RUFY4: variants seen among roughly 807,000 people sequenced by gnomAD.
RUFY4 encodes RUN and FYVE domain containing 4.
RUFY4 carries 73 observed loss-of-function variants against 69.0 expected under a neutral mutation model. The observed-to-expected ratio is 1.06, with a 90% CI of 0.88 to 1.29. RUFY4 has a LOEUF of 1.29. Ranked by LOEUF, RUFY4 falls within the 50% of genes most tolerant of loss-of-function variation. The pLI is 0.00. For synonymous variants in RUFY4, 287 were observed against 271.8 expected (o/e 1.06, Z -0.55); for missense variants, 770 against 705.6 (o/e 1.09, Z -1.03).
At chr2:218,080,268 A>G (rs1383879295) in intron 8 of RUFY4, among the ~76,000 whole-genome samples, 1 of 152,214 alleles carries the variant, frequency 6.6e-6, no homozygotes, top group Non-Finnish European at 1.5e-5. Flanking sequence ...TTCTGTGTTT[A>G]AAGGCTCACT....
intron 2 of RUFY4, among the ~76,000 whole-genome samples, chr2:218,037,258 T>C (rs1958992833): frequency 6.6e-6 from 1 of 151,514 alleles, no homozygotes; most frequent in African/African-American, 2.4e-5. Flanking sequence ...AGGCGGAGGT[T>C]GCAGTGAGTG....
chr2:218,071,695 C>T (rs1316136981), intron 2 of RUFY4, among the ~76,000 whole-genome samples: 4 of 152,202 alleles, frequency 2.6e-5, no homozygotes, highest in Non-Finnish European at 5.9e-5. Context: ...GCAGTCATCA[C>T]TATCTAACAT....
intron 8 of RUFY4, among the ~76,000 whole-genome samples, chr2:218,076,834 G>A (rs982683342): frequency 2.6e-5 from 4 of 152,082 alleles, no homozygotes; most frequent in Non-Finnish European, 5.9e-5. Context: ...CCTCCCCTGG[G>A]CAGCTCCTCT....
intron 2 of RUFY4, among the ~76,000 whole-genome samples, chr2:218,035,717 G>A (rs565552518): frequency 9.9e-5 from 15 of 152,262 alleles, no homozygotes; most frequent in African/African-American, 3.4e-4. Context: ...GGATCCATTG[G>A]GAGGAGAAGA....
At chr2:218,083,030 C>G (rs1221274745) in intron 8 of RUFY4, 80 bp from the exon 11 acceptor site, 1 of 1,423,524 alleles carries the variant, frequency 7.0e-7, no homozygotes. Flanking sequence ...TGGGCTCCCT[C>G]TCTGGAAGAG....
chr2:218,083,011 C>A (rs916447318), intron 8 of RUFY4, 99 bp from the exon 11 acceptor site: 1 of 1,310,430 alleles, frequency 7.6e-7, no homozygotes, highest in Non-Finnish European at 9.9e-7. Context: ...GCATCACCAG[C>A]GTCTCCCATG....
chr2:218,077,082 G>A (rs1439140484), intron 8 of RUFY4, among the ~76,000 whole-genome samples: 1 of 152,190 alleles, frequency 6.6e-6, no homozygotes, highest in Admixed American at 6.5e-5. Flanking sequence ...CCATTTTATA[G>A]AGGAGGAAGC....
chr2:218,040,719 G>A (rs1373987339), intron 2 of RUFY4, among the ~76,000 whole-genome samples: 1 of 152,056 alleles, frequency 6.6e-6, no homozygotes, highest in Non-Finnish European at 1.5e-5. Flanking sequence ...TTTTGTCTTT[G>A]GTGAAAATGC....
chr2:218,054,133 C>T (rs1004973970), intron 2 of RUFY4, among the ~76,000 whole-genome samples: 1 of 152,214 alleles, frequency 6.6e-6, no homozygotes, highest in Non-Finnish European at 1.5e-5. Context: ...GAACTTTCAT[C>T]AGATTTCAAG....
At chr2:218,056,230 T>G (rs913601182) in intron 2 of RUFY4, among the ~76,000 whole-genome samples, 2 of 119,336 alleles carry the variant, frequency 1.7e-5, no homozygotes, top group East Asian at 2.1e-4. Flanking sequence ...CTGGTTGTTG[T>G]TTTTTTTTTT....
At chr2:218,073,964 T>G in intron 6 of RUFY4, 79 bp downstream of exon 8, 1 of 1,406,118 alleles carries the variant, frequency 7.1e-7, no homozygotes, top group Admixed American at 1.8e-5. Flanking sequence ...AAACTGAGCT[T>G]CCCCCTCCGA....
chr2:218,085,853 G>A (rs1453101401), intron 9 of RUFY4, among the ~76,000 whole-genome samples: 1 of 152,186 alleles, frequency 6.6e-6, no homozygotes, highest in Non-Finnish European at 1.5e-5. Flanking sequence ...CCACTAAAGG[G>A]AAGCCACTAG....
chr2:218,066,616 TACAG>T, upstream of RUFY4, among the ~76,000 whole-genome samples: 1 of 152,380 alleles, frequency 6.6e-6, no homozygotes, highest in Non-Finnish European at 1.5e-5. Context: ...TCAATGACGG[TACAG>T]ACAGTACAGG....
At chr2:218,061,320 A>AAAGGG (rs1689185352) in intron 3 of RUFY4, 1 of 306,582 alleles carries the variant, frequency 3.3e-6, no homozygotes, top group Non-Finnish European at 6.4e-6. Context: ...ATCTAGTAGA[A>AAAGGG]AAGGGGTAGG....
chr2:218,075,619 T>A (rs937723761), exon 7 of RUFY4: 5 of 1,520,806 alleles, frequency 3.3e-6, no homozygotes, highest in African/African-American at 1.4e-5. Flanking sequence ...GAGCCCTGGG[T>A]CCTTCAGGGA....
chr2:218,038,582 G>C (rs2106024599), intron 2 of RUFY4, among the ~76,000 whole-genome samples: 1 of 152,332 alleles, frequency 6.6e-6, no homozygotes, highest in Non-Finnish European at 1.5e-5. Context: ...TGGAAGTTTG[G>C]AAGACCCCAA....
intron 2 of RUFY4, among the ~76,000 whole-genome samples, chr2:218,054,749 T>C (rs1559424313): frequency 6.6e-6 from 1 of 152,232 alleles, no homozygotes; most frequent in South Asian, 2.1e-4. Context: ...CTTAAATGTC[T>C]TGTTTTCCAG....
intron 2 of RUFY4, among the ~76,000 whole-genome samples, chr2:218,048,341 C>T (rs1031928783): frequency 6.6e-6 from 1 of 152,052 alleles, no homozygotes; most frequent in Admixed American, 6.6e-5. Context: ...ATTAGACCTT[C>T]GTCAGATGCA....
intron 2 of RUFY4, among the ~76,000 whole-genome samples, chr2:218,071,677 T>C (rs776075634): frequency 2.0e-5 from 3 of 152,204 alleles, no homozygotes; most frequent in Non-Finnish European, 4.4e-5. Context: ...TTTATTTTTT[T>C]CTCCGTAGCA....
Sources: gnomAD v4.1 joint callset for allele counts (sites outside exome capture counted in the v4.1 genomes callset) on GRCh38, gnomAD v4.1.1 for gene constraint, MANE v1.5 for transcripts, NCBI Gene and HGNC (gene_info 2026-07-23, HGNC 2026-07-21) for gene names.